The following KIF6 variants were observed in gnomAD, a reference collection of about 807,000 sequenced individuals.
KIF6 encodes the protein kinesin family member 6.
In KIF6, 106 loss-of-function variants were observed where a neutral mutation model predicts 112.7. The observed-to-expected ratio is 0.94, with a 90% CI of 0.80 to 1.11. The LOEUF (loss-of-function observed/expected upper bound fraction) is 1.11. KIF6 is among the 50% of genes least tolerant of loss of function. KIF6 has a pLI of 0.00. For missense variants in KIF6, 929 were observed against 964.0 expected (o/e 0.96, Z 0.48); for synonymous variants, 339 against 339.9 (o/e 1.00, Z 0.03).
At chr6:39,556,282 G>C (rs908675842) in intron 10 of KIF6, among the ~76,000 whole-genome samples, 1 of 152,210 alleles carries the variant, frequency 6.6e-6, no homozygotes, top group East Asian at 1.9e-4. Flanking sequence ...TTACAGGAAA[G>C]AGAATGGTGG....
chr6:39,683,281 C>T (rs983897344), intron 3 of KIF6, among the ~76,000 whole-genome samples: 1 of 152,120 alleles, frequency 6.6e-6, no homozygotes, highest in Non-Finnish European at 1.5e-5. Context: ...TGCTGCAAAA[C>T]TGATTAGGGT....
At chr6:39,489,544 C>T (rs374029268) in intron 13 of KIF6, among the ~76,000 whole-genome samples, 4 of 152,102 alleles carry the variant, frequency 2.6e-5, no homozygotes, top group South Asian at 4.2e-4. Flanking sequence ...AAACCTCAAG[C>T]AGAAAAATAT....
intron 13 of KIF6, among the ~76,000 whole-genome samples, chr6:39,457,554 AC>A (rs1328954488): frequency 6.6e-6 from 1 of 151,732 alleles, no homozygotes; most frequent in Non-Finnish European, 1.5e-5. Flanking sequence ...GACACAAAAA[AC>A]CCTTCAAAAA....
chr6:39,373,597 T>TA lies in KIF6; in HGVS notation c.1862-11080dup, dbSNP rs750518457. ...ACAACAAACTATCCGAAAGAGAAAT[T>TA]AAAAAAAAATTCCATTAATGATAGT... On this transcript the variant is annotated intron_variant, in intron 16 of 22. Transcript: ENST00000287152. Among the ~76,000 whole-genome samples the TA allele has an allele frequency of 7.3e-5, 11 of 150,838 alleles. No individual in the cohort carries two copies. In the East Asian group the frequency reaches 9.7e-4, roughly 13 times the overall value.
chr6:39,590,451 A>ATATATATATATTTT (rs1338373703), intron 7 of KIF6, among the ~76,000 whole-genome samples: 1 of 84,752 alleles, frequency 1.2e-5, no homozygotes, highest in African/African-American at 5.1e-5. Flanking sequence ...ATATATATAT[A>ATATATATATATTTT]TTTTTTTTTT....
intron 3 of KIF6, among the ~76,000 whole-genome samples, chr6:39,640,863 A>G (rs551644204): frequency 7.2e-5 from 11 of 152,290 alleles, no homozygotes; most frequent in African/African-American, 2.6e-4. Context: ...CAACACGTCA[A>G]TGCATCTGTT....
intron 13 of KIF6, among the ~76,000 whole-genome samples, chr6:39,454,447 G>A (rs922425268): frequency 2.0e-5 from 3 of 147,228 alleles, no homozygotes; most frequent in African/African-American, 2.5e-5. Context: ...TGTGACACCC[G>A]ATATCCAGGA....
chr6:39,495,704 A>G (rs1298034444), intron 13 of KIF6, among the ~76,000 whole-genome samples: 1 of 152,232 alleles, frequency 6.6e-6, no homozygotes, highest in Non-Finnish European at 1.5e-5. Flanking sequence ...CAATCTATGC[A>G]GAGTATGACT....
chr6:39,696,083 T>C (rs1413677687), intron 3 of KIF6, among the ~76,000 whole-genome samples: 1 of 151,990 alleles, frequency 6.6e-6, no homozygotes, highest in Non-Finnish European at 1.5e-5. Flanking sequence ...GCATTGGGTA[T>C]ACAAAGACAC....
chr6:39,666,583 C>G (rs1017431726), intron 3 of KIF6, among the ~76,000 whole-genome samples: 13 of 152,188 alleles, frequency 8.5e-5, no homozygotes, highest in African/African-American at 3.1e-4. Flanking sequence ...GGATAATTCA[C>G]CACCTAGTGT....
intron 10 of KIF6, among the ~76,000 whole-genome samples, chr6:39,548,115 A>T (rs910360803): frequency 1.3e-5 from 2 of 152,210 alleles, no homozygotes; most frequent in African/African-American, 4.8e-5. Context: ...AGTTGGAAGT[A>T]ATGGTTAATC....
At chr6:39,634,771 T>C (rs1381726191) in intron 5 of KIF6, 78 bp downstream of exon 5, 10 of 884,658 alleles carry the variant, frequency 1.1e-5, no homozygotes, top group Admixed American at 8.7e-5. Flanking sequence ...ACCAGAAACA[T>C]ACAAAGTTTC....
At chr6:39,716,114 G>C (rs1789835126) in intron 2 of KIF6, among the ~76,000 whole-genome samples, 1 of 152,134 alleles carries the variant, frequency 6.6e-6, no homozygotes, top group Non-Finnish European at 1.5e-5. Context: ...GTAAATAAAA[G>C]AGATAGCAGA....
chr6:39,608,515 A>C (rs1206164960), intron 6 of KIF6, among the ~76,000 whole-genome samples: 1 of 152,220 alleles, frequency 6.6e-6, no homozygotes, highest in Non-Finnish European at 1.5e-5. Context: ...TACTGCATGC[A>C]TATCACTTTC....
rs937730033 is a variant in KIF6, at chr6:39,336,625, G to A, written c.2429-77C>T. 1.2e-4 allele frequency: 160 copies of A among 1,377,494 alleles called. No individual in the cohort carries two copies. The Admixed American group carries it at 2.6e-3, about 22-fold the overall frequency. The allele number at this position is 1,377,494 out of a possible 1,614,324, so 85.3% of individuals were successfully genotyped here. On this transcript the variant is annotated intron_variant, in intron 22 of 22. Transcript: ENST00000287152. Reference sequence around the variant, plus strand: ...TTTTCCCAGGATTGAATCGGGGGGAGGGGAGGCCACCAGCCACTCCCCCTG... The same window carrying A: ...TTTTCCCAGGATTGAATCGGGGGGAAGGGAGGCCACCAGCCACTCCCCCTG...
At chr6:39,503,999 C>T (rs934188224) in intron 13 of KIF6, among the ~76,000 whole-genome samples, 2 of 152,148 alleles carry the variant, frequency 1.3e-5, no homozygotes, top group African/African-American at 4.8e-5. Context: ...CTTCCTAACT[C>T]ATTTTATGAG....
In KIF6 at chr6:39,343,115, G is replaced by T. The variant is rs1359926611; in HGVS notation, c.2428+594C>A. 7.1e-6 allele frequency: 7 copies of T among 985,300 alleles called. No homozygotes were observed. The highest frequency in any genetic ancestry group is 8.4e-6 in the Non-Finnish European group (7 of 829,922). The allele number at this position is 985,300 out of a possible 1,614,324, so 61.0% of individuals were successfully genotyped here. The stretch of plus-strand genomic sequence containing the variant: ...GAGAAAAGGCCCAGCCACAGCAGAT[G>T]GGAGATGGGCAGCTGCCAAGAGGAC... On this transcript the variant is annotated intron_variant, in intron 22 of 22. Coordinates refer to ENST00000287152, the MANE Select transcript of KIF6 (RefSeq NM_145027.6). The surrounding 1 kb of genome is among the most constrained non-coding windows in gnomAD (Gnocchi z 4.1).
intron 7 of KIF6, among the ~76,000 whole-genome samples, chr6:39,590,506 T>TAATAGCACAACCTGGGCTAAC (rs1781892288): frequency 6.8e-6 from 1 of 147,164 alleles, no homozygotes; most frequent in African/African-American, 2.5e-5. Context: ...GGCTGGAGTG[T>TAATAGCACAACCTGGGCTAAC]AATAGCACAA....
chr6:39,701,455 G>T (rs576853160), intron 3 of KIF6, among the ~76,000 whole-genome samples: 1 of 152,220 alleles, frequency 6.6e-6, no homozygotes, highest in African/African-American at 2.4e-5. Flanking sequence ...CTCTGTGCCC[G>T]AGCCTGCCTG....
Sources: gnomAD v4.1 joint callset for allele counts (sites outside exome capture counted in the v4.1 genomes callset) on GRCh38, gnomAD v4.1.1 for gene constraint, Gnocchi (gnomAD v3.1) non-coding constraint, MANE v1.5 for transcripts, NCBI Gene and HGNC (gene_info 2026-07-23, HGNC 2026-07-21) for gene names.